Variants in GRIN2A observed in about 807,000 individuals in gnomAD.
GRIN2A encodes the protein glutamate ionotropic receptor NMDA type subunit 2A.
In GRIN2A, 22 loss-of-function variants were observed where a neutral mutation model predicts 113.4. The observed-to-expected ratio is 0.19, with a 90% CI of 0.14 to 0.28. The LOEUF is 0.28. Among genes scored for constraint, GRIN2A ranks in the 10% least tolerant of loss-of-function variants. The probability of loss-of-function intolerance (pLI) is 1.00; values close to 1 mark genes in which losing one functional copy is unlikely to be tolerated. For missense variants in GRIN2A, 1,502 were observed against 1,887.0 expected, an observed-to-expected ratio of 0.80 and a Z score of 3.78; for synonymous variants, 827 against 738.4, an observed-to-expected ratio of 1.12 and a Z score of -1.94.
At chr16:9,966,560 T>C (rs1246221367) in intron 2 of GRIN2A, among the ~76,000 whole-genome samples, 1 of 152,230 alleles carries the variant, frequency 6.6e-6, no homozygotes, top group Non-Finnish European at 1.5e-5. Flanking sequence ...ATGTTTGCTA[T>C]TGTGAACAGT....
intron 2 of GRIN2A, among the ~76,000 whole-genome samples, chr16:10,161,599 G>T (rs1027290210): frequency 6.6e-6 from 1 of 152,180 alleles, no homozygotes; most frequent in Admixed American, 6.5e-5. Flanking sequence ...TTTATCAGAC[G>T]CTGTCCCTGT....
chr16:10,051,968 C>G (rs1323137255), intron 2 of GRIN2A, among the ~76,000 whole-genome samples: 1 of 152,228 alleles, frequency 6.6e-6, no homozygotes, highest in Admixed American at 6.5e-5. Context: ...CTGTCACATA[C>G]TAAAAAGTCT....
rs564934428 is a variant in GRIN2A at position 10,032,778 on chromosome 16, G to A, written c.415-94227C>T. 3.9e-5 allele frequency among the ~76,000 whole-genome samples: 6 copies of A among 152,278 alleles called. No homozygotes were observed. The East Asian group carries it at 1.2e-3, about 29-fold the overall frequency. On this transcript the variant is annotated intron_variant, in intron 2 of 12. Coordinates refer to ENST00000330684, the MANE Select transcript of GRIN2A (RefSeq NM_001134407.3). ...ACCAAACAACAAATGGGGAAACTGAGGCCCAGAGAGCTTTCATCATAGCTT... is the reference window on the plus strand; with the variant it reads ...ACCAAACAACAAATGGGGAAACTGAAGCCCAGAGAGCTTTCATCATAGCTT...
At chr16:9,883,988 T>G (rs963214039) in intron 4 of GRIN2A, among the ~76,000 whole-genome samples, 1 of 152,188 alleles carries the variant, frequency 6.6e-6, no homozygotes, top group Non-Finnish European at 1.5e-5. Flanking sequence ...ACTTTAATAT[T>G]TATGTGTTTT....
intron 2 of GRIN2A, among the ~76,000 whole-genome samples, chr16:10,113,785 A>G (rs887515703): frequency 6.6e-6 from 1 of 152,256 alleles, no homozygotes; most frequent in African/African-American, 2.4e-5. Context: ...GGAAAATGCC[A>G]TTATTGTTTA....
chr16:10,042,984 C>T (rs551474695), intron 2 of GRIN2A, among the ~76,000 whole-genome samples: 16 of 152,306 alleles, frequency 1.1e-4, no homozygotes, highest in African/African-American at 2.9e-4. Flanking sequence ...CTTTGATCTA[C>T]GTCAGAGTTT....
At chr16:9,905,773 C>T (rs922660969) in intron 3 of GRIN2A, among the ~76,000 whole-genome samples, 1 of 152,066 alleles carries the variant, frequency 6.6e-6, no homozygotes, top group Non-Finnish European at 1.5e-5. Flanking sequence ...GTGCACCTGT[C>T]CCATGGCGGA....
intron 9 of GRIN2A, among the ~76,000 whole-genome samples, chr16:9,826,092 T>C (rs937767427): frequency 1.3e-5 from 2 of 152,100 alleles, no homozygotes; most frequent in Admixed American, 6.5e-5. Context: ...CCAGGCATGG[T>C]GTGAGGATTA....
At chr16:9,959,498 T>C (rs1460959531) in intron 2 of GRIN2A, among the ~76,000 whole-genome samples, 1 of 152,178 alleles carries the variant, frequency 6.6e-6, no homozygotes, top group East Asian at 1.9e-4. Flanking sequence ...GTGAGCCTGG[T>C]TAGTATTTAA....
chr16:9,858,636 C>T (rs1382935744), intron 4 of GRIN2A, among the ~76,000 whole-genome samples: 1 of 152,060 alleles, frequency 6.6e-6, no homozygotes, highest in Non-Finnish European at 1.5e-5. Flanking sequence ...TGTTTAATTC[C>T]TATTAATAAA....
At chr16:10,063,470 G>A (rs1412547024) in intron 2 of GRIN2A, among the ~76,000 whole-genome samples, 2 of 152,200 alleles carry the variant, frequency 1.3e-5, no homozygotes, top group South Asian at 2.1e-4. Context: ...TCTAGTAGAT[G>A]CTTATGACAG....
In GRIN2A at chr16:9,754,782, C is replaced by T. The variant is rs1900290000; in HGVS notation, c.*8367G>A. 4.5e-6 allele frequency: 1 copy of T among 220,352 alleles called. No homozygotes were observed. Among genetic ancestry groups the T allele is most frequent in the Non-Finnish European group, 9.1e-6 (1 of 110,096 alleles). The allele number at this position is 220,352 out of a possible 1,614,324, so 13.6% of individuals were successfully genotyped here. A position where few individuals can be genotyped will look rare whatever the true frequency, so the allele number is the denominator to read the frequency against. On this transcript the variant is annotated 3_prime_UTR_variant, in exon 13 of 13. Transcript: ENST00000330684. ...AATTCAAAAGGCTATGATTGTTTTT[C>T]ATGGAAAAAAAAAGACAATGTTTTC...
intron 2 of GRIN2A, among the ~76,000 whole-genome samples, chr16:10,108,978 C>T (rs2048553818): frequency 9.1e-6 from 1 of 110,446 alleles, no homozygotes; most frequent in African/African-American, 4.2e-5. Context: ...TAAGAAATAA[C>T]AGAGAAAACT....
chr16:9,820,775 A>T (rs1459868233), intron 10 of GRIN2A, among the ~76,000 whole-genome samples: 1 of 152,144 alleles, frequency 6.6e-6, no homozygotes, highest in Non-Finnish European at 1.5e-5. Context: ...GGGAGTGATG[A>T]CCTGGATGAT....
At position 10,042,030 on chromosome 16, in the gene GRIN2A, G is replaced by A. The variant is rs535415573; in HGVS notation, c.415-103479C>T. Among the ~76,000 whole-genome samples the A allele has an allele frequency of 3.0e-4, 46 of 152,166 alleles. No homozygotes were observed. The South Asian group carries it at 8.1e-3, about 27-fold the overall frequency. On this transcript the variant is annotated intron_variant, in intron 2 of 12. Coordinates refer to ENST00000330684, the MANE Select transcript of GRIN2A (RefSeq NM_001134407.3). ...TGTGCAATGATTGCACACAGTAGGG[G>A]CTCCATAAATGTTCCTTAGGTGATT... is the stretch of plus-strand genomic sequence containing the variant.
At chr16:9,944,896 A>C (rs1456612330) in intron 2 of GRIN2A, among the ~76,000 whole-genome samples, 1 of 152,150 alleles carries the variant, frequency 6.6e-6, no homozygotes, top group Non-Finnish European at 1.5e-5. Flanking sequence ...CAAATTTAAC[A>C]AACTCCAGCT....
intron 2 of GRIN2A, among the ~76,000 whole-genome samples, chr16:10,156,621 TA>T (rs555661274): frequency 6.6e-6 from 1 of 152,170 alleles, no homozygotes; most frequent in Non-Finnish European, 1.5e-5. Flanking sequence ...TCTTCTGGCA[TA>T]AAAAAAGACT....
intron 2 of GRIN2A, among the ~76,000 whole-genome samples, chr16:10,089,351 C>T (rs535543333): frequency 3.7e-4 from 57 of 152,212 alleles, no homozygotes; most frequent in African/African-American, 8.9e-4. Flanking sequence ...TTCATTGAAA[C>T]GTTTACAGTA....
At chr16:10,027,261 T>C (rs889189882) in intron 2 of GRIN2A, among the ~76,000 whole-genome samples, 1 of 152,152 alleles carries the variant, frequency 6.6e-6, no homozygotes, top group African/African-American at 2.4e-5. Flanking sequence ...ATATTACAGA[T>C]GAGGAAACTG....
Sources: gnomAD v4.1 joint callset for allele counts (sites outside exome capture counted in the v4.1 genomes callset) on GRCh38, gnomAD v4.1.1 for gene constraint, MANE v1.5 for transcripts, NCBI Gene and HGNC (gene_info 2026-07-23, HGNC 2026-07-21) for gene names.